Variants in SLC37A1 observed in about 807,000 individuals in gnomAD.
The protein encoded by SLC37A1 is glucose-6-phosphate exchanger SLC37A1.
A neutral mutation model predicts 75.3 loss-of-function variants in SLC37A1; 49 were observed. The ratio of observed to expected loss-of-function variants is 0.65; its 90% CI spans 0.52 to 0.83. The LOEUF is 0.83. Ranked by LOEUF, SLC37A1 falls within the 40% of genes least tolerant of loss-of-function variation. The pLI is 0.00. For synonymous variants in SLC37A1, 268 were observed against 292.1 expected, an observed-to-expected ratio of 0.92 and a Z score of 0.84; for missense variants, 566 against 695.0, an observed-to-expected ratio of 0.81 and a Z score of 2.09.
chr21:42,535,412 G>T, intron 4 of SLC37A1, 60 bp from the exon 5 acceptor site: 4 of 1,424,504 alleles, frequency 2.8e-6, no homozygotes, highest in Non-Finnish European at 4.0e-6. Flanking sequence ...TTATAGCCGT[G>T]CTCTAGAACA....
intron 13 of SLC37A1, 123 bp from the exon 14 acceptor site, chr21:42,564,585 G>A (rs1258051761): frequency 3.8e-5 from 28 of 734,520 alleles, no homozygotes; most frequent in Non-Finnish European, 6.3e-5. Context: ...GCCTGCCCGT[G>A]ATGCATGGAG....
chr21:42,513,841 C>A (rs1189825920), upstream of SLC37A1: 1 of 146,184 alleles, frequency 6.8e-6, no homozygotes, highest in African/African-American at 2.5e-5. Context: ...GCCTCCCGCG[C>A]GCCGCTCCAG....
chr21:42,541,586 C>T (rs1392371241), intron 6 of SLC37A1, among the ~76,000 whole-genome samples: 3 of 152,210 alleles, frequency 2.0e-5, no homozygotes, highest in Non-Finnish European at 2.9e-5. Flanking sequence ...TTTGTCCAGG[C>T]GCGAAGTCAA....
chr21:42,517,281 G>A (rs977437401), intron 1 of SLC37A1, among the ~76,000 whole-genome samples: 10 of 152,086 alleles, frequency 6.6e-5, no homozygotes, highest in Non-Finnish European at 1.3e-4. Context: ...GACTTGCCTC[G>A]GCTTACACAG....
intron 1 of SLC37A1, among the ~76,000 whole-genome samples, chr21:42,517,735 G>A (rs1378290391): frequency 6.6e-6 from 1 of 152,200 alleles, no homozygotes; most frequent in Non-Finnish European, 1.5e-5. Flanking sequence ...GTGACCACAG[G>A]AGATGAAAAA....
At chr21:42,579,714 G>T (rs761281679) in intron 18 of SLC37A1, 22 bp from the exon 19 acceptor site, 1 of 1,613,974 alleles carries the variant, frequency 6.2e-7, no homozygotes, top group South Asian at 1.1e-5. Flanking sequence ...TAACAGGTGG[G>T]CTCACCTTTG....
chr21:42,542,578 T>TCA, intron 7 of SLC37A1, 98 bp downstream of exon 7: 4 of 1,179,904 alleles, frequency 3.4e-6, no homozygotes, highest in Non-Finnish European at 4.9e-6. Context: ...CACTTTAGTA[T>TCA]CCTCTTTAAA....
At chr21:42,505,413 C>G (rs2054375398) in intron 2 of SLC37A1, among the ~76,000 whole-genome samples, 1 of 152,154 alleles carries the variant, frequency 6.6e-6, no homozygotes, top group Admixed American at 6.5e-5. Flanking sequence ...GATGCCTTCT[C>G]CAGGTCTCAG....
At chr21:42,508,394 G>A (rs1303671377) in intron 2 of SLC37A1, among the ~76,000 whole-genome samples, 1 of 152,148 alleles carries the variant, frequency 6.6e-6, no homozygotes, top group Admixed American at 6.5e-5. Flanking sequence ...CTCCCAGAGT[G>A]CTGGGATTAC....
upstream of SLC37A1, among the ~76,000 whole-genome samples, chr21:42,513,720 G>A (rs1411901944): frequency 6.7e-6 from 1 of 148,564 alleles, no homozygotes; most frequent in Non-Finnish European, 1.5e-5. Flanking sequence ...GTGCGACCCT[G>A]GGCACGCCGG....
chr21:42,543,657 G>C, intron 8 of SLC37A1, 55 bp downstream of exon 8: 1 of 1,513,668 alleles, frequency 6.6e-7, no homozygotes, highest in Non-Finnish European at 8.9e-7. Flanking sequence ...GGATTTCCCT[G>C]CCTGGGTGGG....
Position 42,535,496 on chromosome 21 carries a change from T to C in SLC37A1, c.296T>C (p.Leu99Pro). The change falls in exon 5 of 20, where the codon CTT becomes CCT. Residue 99 changes from leucine to proline, a missense_variant. Leu to Pro is a moderately conservative substitution (Grantham distance 98). Coordinates refer to ENST00000352133, the MANE Select transcript of SLC37A1 (RefSeq NM_001320537.2). ...GATAAGAACAACTATCAGCAGCTGCTTGGGGCCCTGGACTACTCCTTCCTG... is the reference window on the plus strand; with the variant it reads ...GATAAGAACAACTATCAGCAGCTGCCTGGGGCCCTGGACTACTCCTTCCTG... The part of the protein sequence containing the change: ...PFDKNNYQQL[L>P]GALDYSFLCA... 1 of 1,614,194 alleles carries C rather than the reference T, an allele frequency of 6.2e-7. No individual in the cohort carries two copies. Among genetic ancestry groups the C allele is most frequent in the Non-Finnish European group, 8.5e-7 (1 of 1,180,004 alleles).
At chr21:42,575,653 C>T in intron 18 of SLC37A1, 3 of 985,456 alleles carry the variant, frequency 3.0e-6, no homozygotes, top group Non-Finnish European at 3.6e-6. Context: ...ACAGCCATGC[C>T]TCTCCTCTCA....
chr21:42,551,791 C>A (rs983416823), intron 9 of SLC37A1, among the ~76,000 whole-genome samples: 1 of 151,634 alleles, frequency 6.6e-6, no homozygotes, highest in Non-Finnish European at 1.5e-5. Context: ...ATTTATAGGA[C>A]CTCAATGGTT....
chr21:42,540,983 T>C (rs1391313640), intron 6 of SLC37A1, among the ~76,000 whole-genome samples: 1 of 152,212 alleles, frequency 6.6e-6, no homozygotes, highest in Non-Finnish European at 1.5e-5. Context: ...AGGCGTCTTC[T>C]AGAGCAGCAG....
At chr21:42,500,014 C>A (rs1213753111) in intron 1 of SLC37A1, among the ~76,000 whole-genome samples, 1 of 152,184 alleles carries the variant, frequency 6.6e-6, no homozygotes, top group Non-Finnish European at 1.5e-5. Flanking sequence ...GTTGCCATGG[C>A]GACTGAGTCC....
chr21:42,562,222 G>T (rs2055848613), intron 12 of SLC37A1, 54 bp downstream of exon 12: 10 of 1,469,984 alleles, frequency 6.8e-6, no homozygotes, highest in Non-Finnish European at 9.5e-6. Flanking sequence ...GGGGTCCGAA[G>T]TCTCTTCTGT....
intron 3 of SLC37A1, among the ~76,000 whole-genome samples, chr21:42,531,132 C>T (rs991310014): frequency 6.6e-6 from 1 of 152,172 alleles, no homozygotes; most frequent in Non-Finnish European, 1.5e-5. Context: ...CTGGATGTGG[C>T]GAGGGAGTCT....
In SLC37A1 at chr21:42,542,262, A is replaced by G. The variant is rs928753878; in HGVS notation, c.487-142A>G. Reference sequence around the variant, plus strand: ...AAAATATATATGTAGTTTAAACTGTATATAAATATAAAATTGACAGTCCAT... The same window carrying G: ...AAAATATATATGTAGTTTAAACTGTGTATAAATATAAAATTGACAGTCCAT... On this transcript the variant is annotated intron_variant, in intron 6 of 19. Transcript: ENST00000352133. The G allele has an allele frequency of 1.5e-5, 9 of 591,050 alleles. No homozygotes were observed. In the Admixed American group the frequency reaches 2.3e-4, roughly 15 times the overall value. 36.6% of individuals were successfully genotyped at this position (591,050 alleles called of 1,614,324 possible).
Sources: allele counts gnomAD v4.1 joint callset (sites outside exome capture counted in the v4.1 genomes callset), GRCh38; gene constraint gnomAD v4.1.1; transcripts MANE v1.5; gene names NCBI Gene and HGNC (gene_info 2026-07-23, HGNC 2026-07-21).